MAGI1: variants seen among roughly 807,000 people sequenced by gnomAD.
MAGI1 encodes membrane-associated guanylate kinase, WW and PDZ domain-containing protein 1.
Under a neutral mutation model 139.9 loss-of-function variants are expected in MAGI1, and 58 were observed. The ratio of observed to expected loss-of-function variants is 0.41; its 90% CI spans 0.34 to 0.52. The LOEUF is 0.52. Among genes scored for constraint, MAGI1 ranks in the 20% least tolerant of loss-of-function variants. The pLI is 0.12. For synonymous variants in MAGI1, 812 were observed against 737.9 expected, an observed-to-expected ratio of 1.10 and a Z score of -1.63; for missense variants, 1,874 against 1,901.6, an observed-to-expected ratio of 0.99 and a Z score of 0.27.
intron 1 of MAGI1, among the ~76,000 whole-genome samples, chr3:65,715,295 T>C (rs965917449): frequency 6.6e-6 from 1 of 152,218 alleles, no homozygotes; most frequent in African/African-American, 2.4e-5. Context: ...TTTTTGCAGG[T>C]CATAAACATT....
chr3:65,789,864 C>A (rs7650733), intron 1 of MAGI1, among the ~76,000 whole-genome samples: 7 of 152,128 alleles, frequency 4.6e-5, no homozygotes, highest in African/African-American at 1.7e-4. Context: ...ATAATTTGGA[C>A]AAATTTTCCT....
At chr3:65,601,989 C>G (rs950632170) in intron 2 of MAGI1, among the ~76,000 whole-genome samples, 1 of 152,094 alleles carries the variant, frequency 6.6e-6, no homozygotes, top group Admixed American at 6.5e-5. Context: ...AGATGGCCAA[C>G]AAGCATATGG....
intron 1 of MAGI1, among the ~76,000 whole-genome samples, chr3:65,765,457 G>C (rs1410763371): frequency 6.6e-6 from 1 of 152,162 alleles, no homozygotes; most frequent in Non-Finnish European, 1.5e-5. Flanking sequence ...CTTAGGAGAG[G>C]TGTACTACTC....
intron 12 of MAGI1, among the ~76,000 whole-genome samples, chr3:65,407,746 T>G (rs1945468379): frequency 6.6e-6 from 1 of 152,176 alleles, no homozygotes; most frequent in Non-Finnish European, 1.5e-5. Flanking sequence ...GATTAATAAG[T>G]AATTCATATT....
At chr3:65,654,622 G>T (rs1431080593) in intron 1 of MAGI1, among the ~76,000 whole-genome samples, 1 of 151,984 alleles carries the variant, frequency 6.6e-6, no homozygotes, top group East Asian at 1.9e-4. Context: ...TATGAGTAAT[G>T]ACTTTTTTTT....
intron 1 of MAGI1, among the ~76,000 whole-genome samples, chr3:65,637,137 G>A (rs1274056719): frequency 2.6e-5 from 4 of 152,210 alleles, no homozygotes; most frequent in Non-Finnish European, 5.9e-5. Context: ...TAGTGTGACA[G>A]TCCCACCCAG....
chr3:65,838,204 A>G (rs1408684126), intron 1 of MAGI1, among the ~76,000 whole-genome samples: 2 of 152,164 alleles, frequency 1.3e-5, no homozygotes, highest in Admixed American at 6.5e-5. Flanking sequence ...CCCAACTACT[A>G]GGAAGGCTGA....
intron 1 of MAGI1, among the ~76,000 whole-genome samples, chr3:65,629,321 C>T (rs1011565482): frequency 5.3e-5 from 8 of 152,182 alleles, no homozygotes; most frequent in Non-Finnish European, 1.2e-4. Flanking sequence ...ATGTGCTCCA[C>T]AGCTACATCC....
chr3:65,588,444 A>G (rs556627232), intron 2 of MAGI1, among the ~76,000 whole-genome samples: 11 of 152,324 alleles, frequency 7.2e-5, no homozygotes, highest in African/African-American at 1.9e-4. Context: ...ACTACTCCCC[A>G]TATGTAAAAG....
chr3:65,654,239 C>T (rs923076888), intron 1 of MAGI1, among the ~76,000 whole-genome samples: 1 of 152,076 alleles, frequency 6.6e-6, no homozygotes, highest in Non-Finnish European at 1.5e-5. Context: ...ATCTTTATGC[C>T]CAGATAACAG....
At chr3:65,965,217 G>C (rs558251567) in intron 1 of MAGI1, among the ~76,000 whole-genome samples, 6 of 152,264 alleles carry the variant, frequency 3.9e-5, no homozygotes, top group African/African-American at 1.4e-4. Context: ...AAACTCCGAG[G>C]ATCATTTAAT....
At chr3:65,757,632 C>A (rs1279062942) in intron 1 of MAGI1, among the ~76,000 whole-genome samples, 4 of 152,154 alleles carry the variant, frequency 2.6e-5, no homozygotes, top group Admixed American at 1.3e-4. Flanking sequence ...AGCCAGACTT[C>A]ATCTCAATAA....
chr3:65,625,397 G>T (rs1247510328), intron 1 of MAGI1, among the ~76,000 whole-genome samples: 2 of 152,092 alleles, frequency 1.3e-5, no homozygotes, highest in Middle Eastern at 3.2e-3. Flanking sequence ...TTGAAGTAAA[G>T]GAAAAAGAAA....
chr3:66,025,403 G>A (rs1007627273), intron 1 of MAGI1, among the ~76,000 whole-genome samples: 3 of 152,068 alleles, frequency 2.0e-5, no homozygotes, highest in Non-Finnish European at 2.9e-5. Flanking sequence ...ATTTGGGCAC[G>A]GTGGCACCCA....
At chr3:65,932,532 G>C (rs150724530) in intron 1 of MAGI1, among the ~76,000 whole-genome samples, 10 of 152,166 alleles carry the variant, frequency 6.6e-5, no homozygotes, top group African/African-American at 2.4e-4. Flanking sequence ...ACAGAAAAAA[G>C]CTCCGGGCAG....
intron 1 of MAGI1, among the ~76,000 whole-genome samples, chr3:66,037,324 G>C (rs534962549): frequency 1.3e-5 from 2 of 152,288 alleles, no homozygotes; most frequent in South Asian, 4.2e-4. Context: ...CGATGATGGT[G>C]GTGGTGGGAG....
intron 2 of MAGI1, among the ~76,000 whole-genome samples, chr3:65,583,109 T>C (rs908533036): frequency 6.6e-6 from 1 of 152,198 alleles, no homozygotes; most frequent in African/African-American, 2.4e-5. Flanking sequence ...TTATCTCTCA[T>C]ACTAAGTCTT....
At chr3:65,627,298 A>G (rs997730633) in intron 1 of MAGI1, among the ~76,000 whole-genome samples, 3 of 152,070 alleles carry the variant, frequency 2.0e-5, no homozygotes, top group Non-Finnish European at 2.9e-5. Context: ...TGATGTGTGC[A>G]TGACTAAATC....
At chr3:65,520,272 G>A (rs2078092862) in intron 2 of MAGI1, among the ~76,000 whole-genome samples, 1 of 152,168 alleles carries the variant, frequency 6.6e-6, no homozygotes, top group Admixed American at 6.5e-5. Context: ...ACCAAAAAAA[G>A]AATTCACGAT....
Sources: allele counts gnomAD v4.1 joint callset (sites outside exome capture counted in the v4.1 genomes callset), GRCh38; gene constraint gnomAD v4.1.1; transcripts MANE v1.5; gene names NCBI Gene and HGNC (gene_info 2026-07-23, HGNC 2026-07-21).